The following SAMD12 variants were observed in gnomAD, a reference collection of about 807,000 sequenced individuals.
SAMD12 encodes the protein sterile alpha motif domain containing 12.
SAMD12 carries 9 observed loss-of-function variants against 15.0 expected under a neutral mutation model. The observed-to-expected ratio is 0.60, with a 90% CI of 0.36 to 1.05. The LOEUF is 1.05. SAMD12 is among the 50% of genes least tolerant of loss of function. The pLI is 0.01. For synonymous variants in SAMD12, 86 were observed against 90.1 expected (o/e 0.96, Z 0.25); for missense variants, 230 against 234.2 (o/e 0.98, Z 0.12).
At chr8:118,179,078 A>T in the SAMD12 span, among the ~76,000 whole-genome samples, 1 of 152,162 alleles carries the variant, frequency 6.6e-6, no homozygotes. Context: ...CTGGCAATGG[A>T]TGCAAGCATT....
intron 2 of SAMD12, among the ~76,000 whole-genome samples, chr8:118,577,990 C>T (rs1000578750): frequency 2.0e-5 from 3 of 152,126 alleles, no homozygotes; most frequent in Non-Finnish European, 4.4e-5. Flanking sequence ...CAAAGCAGTA[C>T]AGAAAGTAAA....
intron 2 of SAMD12, among the ~76,000 whole-genome samples, chr8:118,559,230 C>T (rs1826640028): frequency 6.6e-6 from 1 of 152,152 alleles, no homozygotes; most frequent in South Asian, 2.1e-4. Context: ...CTACCTAGAA[C>T]CCAGATTAAG....
intron 2 of SAMD12, among the ~76,000 whole-genome samples, chr8:118,564,181 C>T (rs1826783738): frequency 2.6e-5 from 4 of 151,930 alleles, no homozygotes; most frequent in Admixed American, 2.6e-4. Flanking sequence ...GCAGATTACC[C>T]ATCCCCCCCT....
chr8:118,317,283 C>T (rs1041166894), intron 4 of SAMD12, among the ~76,000 whole-genome samples: 13 of 152,190 alleles, frequency 8.5e-5, no homozygotes, highest in Non-Finnish European at 5.9e-5. Context: ...TCCTGTGGCC[C>T]AGCAAACCCA....
chr8:118,345,823 G>C (rs1226151356), intron 4 of SAMD12, among the ~76,000 whole-genome samples: 1 of 152,204 alleles, frequency 6.6e-6, no homozygotes, highest in Non-Finnish European at 1.5e-5. Context: ...CGGCTGGACT[G>C]CAGGAGACAC....
intron 4 of SAMD12, among the ~76,000 whole-genome samples, chr8:118,371,269 G>T (rs1353216445): frequency 6.6e-6 from 1 of 152,138 alleles, no homozygotes; most frequent in Non-Finnish European, 1.5e-5. Flanking sequence ...AAATAATGTT[G>T]TCAGAAATAT....
chr8:118,491,002 C>G (rs1824426870), intron 2 of SAMD12, among the ~76,000 whole-genome samples: 1 of 151,826 alleles, frequency 6.6e-6, no homozygotes, highest in Admixed American at 6.6e-5. Context: ...TATAATTCTA[C>G]AAAGTAAAAC....
chr8:118,409,188 T>C (rs1034463705), intron 3 of SAMD12, among the ~76,000 whole-genome samples: 2 of 152,080 alleles, frequency 1.3e-5, no homozygotes, highest in East Asian at 3.9e-4. Flanking sequence ...ATACAGAAAG[T>C]TAATTTTTCA....
intron 4 of SAMD12, among the ~76,000 whole-genome samples, chr8:118,266,931 C>T (rs1395119032): frequency 6.6e-6 from 1 of 152,014 alleles, no homozygotes; most frequent in Non-Finnish European, 1.5e-5. Context: ...ATGGTAACTA[C>T]AGTTAATAAC....
chr8:118,349,569 T>G (rs1269477293), intron 4 of SAMD12, among the ~76,000 whole-genome samples: 2 of 152,176 alleles, frequency 1.3e-5, no homozygotes, highest in Admixed American at 6.5e-5. Context: ...AGTCAGACTC[T>G]AGAACATTCT....
exon 5 of SAMD12, chr8:118,191,068 T>C (rs566773672): frequency 6.6e-6 from 1 of 152,288 alleles, no homozygotes; most frequent in East Asian, 1.9e-4. Context: ...GAAACTACAA[T>C]AGTATGATTT....
At chr8:118,451,035 C>T (rs1056430805) in intron 2 of SAMD12, among the ~76,000 whole-genome samples, 3 of 152,084 alleles carry the variant, frequency 2.0e-5, no homozygotes, top group Admixed American at 6.5e-5. Flanking sequence ...AAAAACTTTA[C>T]GTAAATCATC....
chr8:118,520,985 A>C (rs1487989401), intron 2 of SAMD12, among the ~76,000 whole-genome samples: 1 of 152,204 alleles, frequency 6.6e-6, no homozygotes, highest in African/African-American at 2.4e-5. Context: ...CAAGCACTAA[A>C]GATTTGTTGG....
intron 4 of SAMD12, among the ~76,000 whole-genome samples, chr8:118,353,652 C>T (rs918378605): frequency 1.3e-5 from 2 of 152,078 alleles, no homozygotes; most frequent in African/African-American, 4.8e-5. Flanking sequence ...GAAACTAAGA[C>T]ATTATTATTT....
chr8:118,373,210 A>G (rs1014326492), downstream of SAMD12, among the ~76,000 whole-genome samples: 12 of 152,180 alleles, frequency 7.9e-5, no homozygotes, highest in Non-Finnish European at 1.6e-4. Context: ...CATGGGAATG[A>G]GGAGAACTGC....
intron 4 of SAMD12, among the ~76,000 whole-genome samples, chr8:118,282,835 T>C (rs1261563161): frequency 1.3e-5 from 2 of 152,282 alleles, no homozygotes; most frequent in Admixed American, 1.3e-4. Flanking sequence ...ATAATATTTA[T>C]ATATATGTAT....
intron 2 of SAMD12, among the ~76,000 whole-genome samples, chr8:118,562,242 T>C (rs549717495): frequency 1.3e-5 from 2 of 152,226 alleles, no homozygotes; most frequent in Non-Finnish European, 2.9e-5. Context: ...CAAGTGGAAA[T>C]GTCCACCAGG....
At chr8:118,331,107 C>G (rs1317731799) in intron 4 of SAMD12, among the ~76,000 whole-genome samples, 2 of 152,036 alleles carry the variant, frequency 1.3e-5, no homozygotes, top group East Asian at 3.9e-4. Flanking sequence ...TGAGATGATG[C>G]TGAAAATCAA....
the SAMD12 span, among the ~76,000 whole-genome samples, chr8:118,182,407 G>A: frequency 1.4e-4 from 22 of 152,290 alleles, no homozygotes; most frequent in African/African-American, 4.8e-4. Context: ...ATGATGGCCT[G>A]TAAGGTTGGC....
Sources: gnomAD v4.1 joint callset for allele counts (sites outside exome capture counted in the v4.1 genomes callset) on GRCh38, gnomAD v4.1.1 for gene constraint, MANE v1.5 for transcripts, NCBI Gene and HGNC (gene_info 2026-07-23, HGNC 2026-07-21) for gene names.